The following PTGER2 variants were observed in gnomAD, a reference collection of about 807,000 sequenced individuals.
The protein encoded by PTGER2 is prostaglandin E2 receptor EP2 subtype.
PTGER2 carries 22 observed loss-of-function variants against 26.2 expected under a neutral mutation model. The observed-to-expected ratio is 0.84, with a 90% CI of 0.60 to 1.20. PTGER2 has a LOEUF of 1.20. PTGER2 is among the 50% of genes most tolerant of loss of function. The pLI, the probability that PTGER2 is intolerant of heterozygous loss-of-function variation, is 0.00. For synonymous variants in PTGER2, 219 were observed against 208.9 expected, an observed-to-expected ratio of 1.05 and a Z score of -0.42; for missense variants, 458 against 475.2, an observed-to-expected ratio of 0.96 and a Z score of 0.34.
At chr14:52,318,817 T>A (rs1405644017) in intron 1 of PTGER2, among the ~76,000 whole-genome samples, 1 of 152,242 alleles carries the variant, frequency 6.6e-6, no homozygotes, top group Non-Finnish European at 1.5e-5. Flanking sequence ...TAGTTTTTTT[T>A]AAAGGCCCAG....
At chr14:52,326,642 C>A (rs1225298599) in intron 1 of PTGER2, among the ~76,000 whole-genome samples, 1 of 152,188 alleles carries the variant, frequency 6.6e-6, no homozygotes, top group Non-Finnish European at 1.5e-5. Context: ...CTCATACTCC[C>A]ACTCAGGGTG....
At chr14:52,320,304 G>A (rs560351687) in intron 1 of PTGER2, among the ~76,000 whole-genome samples, 2 of 152,230 alleles carry the variant, frequency 1.3e-5, no homozygotes, top group African/African-American at 2.4e-5. Context: ...TTTGAATAAA[G>A]ACACAATTAC....
rs1326230936 is a variant in PTGER2, at chr14:52,328,571, G to A, written c.*1117G>A. The A allele has an allele frequency of 2.0e-5, 3 of 152,104 alleles. No homozygotes were observed. Among genetic ancestry groups the A allele is most frequent in the Non-Finnish European group, 2.9e-5 (2 of 68,006 alleles). The allele number at this position is 152,104 out of a possible 1,614,324, so 9.4% of individuals were successfully genotyped here. A position where few individuals can be genotyped will look rare whatever the true frequency, so the allele number is the denominator to read the frequency against. On this transcript the variant is annotated 3_prime_UTR_variant, in exon 2 of 2. Transcript: ENST00000245457. ...GTTACTGTGTAAACTCATCTGAAAT[G>A]TTACAAAAATAAACTATAAAACAAA... is the stretch of plus-strand genomic sequence containing the variant.
At chr14:52,322,915 TC>T (rs1332903180) in intron 1 of PTGER2, among the ~76,000 whole-genome samples, 4 of 152,192 alleles carry the variant, frequency 2.6e-5, no homozygotes, top group East Asian at 3.8e-4. Flanking sequence ...GTTATTCTGT[TC>T]TTTTTCAAGG....
chr14:52,327,089 C>T (rs1283359198), intron 1 of PTGER2, 132 bp from the exon 2 acceptor site: 4 of 639,870 alleles, frequency 6.3e-6, no homozygotes, highest in Non-Finnish European at 1.1e-5. Flanking sequence ...CCAACCCCCA[C>T]CTTTCGTTCC....
At position 52,315,169 on chromosome 14, in the gene PTGER2, C is replaced by T. The variant is rs1379585883; in HGVS notation, c.621C>T (p.Leu207=). ...LQLYATLLLL[L]IVSVLACNFS... ...TGTACGCCACCCTGCTGCTGCTTCT[C>T]ATTGTCTCGGTGCTCGCCTGCAACT... The change falls in exon 1 of 2, where the codon CTC becomes CTT. Residue 207 remains leucine (L), a synonymous_variant. Transcript: ENST00000245457. The T allele has an allele frequency of 1.9e-6, 3 of 1,608,540 alleles. No homozygotes were observed. Among genetic ancestry groups the T allele is most frequent in the East Asian group, 2.2e-5 (1 of 44,866 alleles).
intron 1 of PTGER2, 123 bp downstream of exon 1, chr14:52,315,514 T>C (rs1423790677): frequency 5.3e-6 from 7 of 1,318,118 alleles, no homozygotes; most frequent in Non-Finnish European, 7.2e-6. Context: ...ATGTCCTAAT[T>C]TGTAAAGATC....
At chr14:52,316,107 T>A (rs1445263487) in intron 1 of PTGER2, among the ~76,000 whole-genome samples, 1 of 152,206 alleles carries the variant, frequency 6.6e-6, no homozygotes, top group African/African-American at 2.4e-5. Flanking sequence ...ATTTGTAATA[T>A]CTTGCAAAAC....
chr14:52,321,216 C>T (rs1254595), intron 1 of PTGER2, among the ~76,000 whole-genome samples: 142,437 of 152,192 alleles, frequency 0.94, 67,128 homozygotes, highest in Non-Finnish European at 1. Flanking sequence ...GGCAAAGGGA[C>T]TTCTTTAAAG....
At chr14:52,317,356 T>A (rs2033851323) in intron 1 of PTGER2, among the ~76,000 whole-genome samples, 1 of 152,250 alleles carries the variant, frequency 6.6e-6, no homozygotes, top group Non-Finnish European at 1.5e-5. Context: ...AAACTGTATT[T>A]TTTTTAAATA....
At position 52,314,927 on chromosome 14, in the gene PTGER2, C is replaced by G; in HGVS notation, c.379C>G (p.Leu127Val). Reference protein sequence around the residue: ...TFFSLATMLMLFAMALERYLS... With the variant: ...TFFSLATMLMVFAMALERYLS... Reference sequence around the variant, plus strand: ...CTTCAGCCTGGCCACGATGCTCATGCTCTTCGCCATGGCCCTGGAGCGCTA... The same window carrying G: ...CTTCAGCCTGGCCACGATGCTCATGGTCTTCGCCATGGCCCTGGAGCGCTA... The change falls in exon 1 of 2, where the codon CTC becomes GTC. Residue 127 changes from leucine to valine, a missense_variant. Coordinates refer to ENST00000245457, the MANE Select transcript of PTGER2 (RefSeq NM_000956.4). The surrounding 1 kb of genome is among the most constrained non-coding windows in gnomAD (Gnocchi z 5.7). The G allele has an allele frequency of 6.2e-7, 1 of 1,612,722 alleles. No homozygotes were observed. The highest frequency in any genetic ancestry group is 1.3e-5 in the African/African-American group (1 of 75,074).
chr14:52,321,839 A>G (rs1390765184), intron 1 of PTGER2, among the ~76,000 whole-genome samples: 1 of 152,230 alleles, frequency 6.6e-6, no homozygotes. Context: ...AGGGGATTCC[A>G]TTTCAAGGGA....
At position 52,314,632 on chromosome 14, in the gene PTGER2, C is replaced by T; in HGVS notation, c.84C>T (p.Ser28=). The change falls in exon 1 of 2, where the codon AGC becomes AGT. Residue 28 remains serine (S), a synonymous_variant. Coordinates refer to ENST00000245457, the MANE Select transcript of PTGER2 (RefSeq NM_000956.4). This position sits in a 1 kb window ranked among gnomAD's most constrained non-coding sequence, Gnocchi z 5.7. Reference sequence around the variant, plus strand: ...CCCCAGGCGAAAGCCCAGCCATCAGCTCCGTCATGTTCTCGGCCGGGGTGC... The same window carrying T: ...CCCCAGGCGAAAGCCCAGCCATCAGTTCCGTCATGTTCTCGGCCGGGGTGC... The part of the protein sequence containing the change: ...WLPPGESPAI[S]SVMFSAGVLG... 4 of 1,514,584 alleles carry T rather than the reference C, an allele frequency of 2.6e-6. No homozygotes were observed. The highest frequency in any genetic ancestry group is 2.7e-5 in the South Asian group (2 of 75,262). The allele number at this position is 1,514,584 out of a possible 1,614,324, so 93.8% of individuals were successfully genotyped here. A position where few individuals can be genotyped will look rare whatever the true frequency, so the allele number is the denominator to read the frequency against.
At chr14:52,319,084 G>A (rs2033869862) in intron 1 of PTGER2, among the ~76,000 whole-genome samples, 1 of 152,166 alleles carries the variant, frequency 6.6e-6, no homozygotes, top group Admixed American at 6.5e-5. Flanking sequence ...CCAAGAGAAA[G>A]TACTCATTTC....
At chr14:52,321,122 G>T (rs2033890347) in intron 1 of PTGER2, among the ~76,000 whole-genome samples, 2 of 152,120 alleles carry the variant, frequency 1.3e-5, no homozygotes, top group Admixed American at 1.3e-4. Flanking sequence ...AAGGACACTA[G>T]TCCTGGAGCC....
intron 1 of PTGER2, among the ~76,000 whole-genome samples, chr14:52,323,900 C>T (rs536434074): frequency 6.6e-6 from 1 of 152,166 alleles, no homozygotes; most frequent in Non-Finnish European, 1.5e-5. Context: ...TGGTAGTGCA[C>T]ACAAAAAGAT....
chr14:52,323,229 G>A (rs1216799756), intron 1 of PTGER2, among the ~76,000 whole-genome samples: 2 of 151,960 alleles, frequency 1.3e-5, no homozygotes, highest in Non-Finnish European at 2.9e-5. Context: ...TTTTATGCAT[G>A]TATGTATGTA....
chr14:52,328,326 A>T lies in PTGER2; in HGVS notation c.*872A>T, dbSNP rs2033972816. 2 of 152,662 alleles carry T rather than the reference A, an allele frequency of 1.3e-5. No homozygotes were observed. Among genetic ancestry groups the T allele is most frequent in the South Asian group, 4.1e-4 (2 of 4,836 alleles). 9.5% of individuals were successfully genotyped at this position (152,662 alleles called of 1,614,324 possible). On this transcript the variant is annotated 3_prime_UTR_variant, in exon 2 of 2. Transcript: ENST00000245457. The stretch of plus-strand genomic sequence containing the variant: ...TCTTCAGATATACTGGAACCCTTTT[A>T]AAGTTGATATTGGGGCCATGAGTAA...
intron 1 of PTGER2, among the ~76,000 whole-genome samples, chr14:52,323,587 C>T (rs1021647779): frequency 1.5e-4 from 23 of 152,170 alleles, no homozygotes; most frequent in Non-Finnish European, 2.4e-4. Context: ...TTTCAATGAT[C>T]GGCCAAATAA....
Sources: allele counts gnomAD v4.1 joint callset (sites outside exome capture counted in the v4.1 genomes callset), GRCh38; gene constraint gnomAD v4.1.1; non-coding constraint Gnocchi (gnomAD v3.1); transcripts MANE v1.5; gene names NCBI Gene and HGNC (gene_info 2026-07-23, HGNC 2026-07-21).